The following ACTR3B variants were observed in gnomAD, a reference collection of about 807,000 sequenced individuals.
ACTR3B encodes actin related protein 3B, also known as actin-related protein 3B.
Under a neutral mutation model 59.0 loss-of-function variants are expected in ACTR3B, and 8 were observed. The ratio of observed to expected loss-of-function variants is 0.14; its 90% confidence interval spans 0.08 to 0.24. The LOEUF is 0.24. ACTR3B is among the 10% of genes least tolerant of loss of function. The pLI is 1.00. For missense variants in ACTR3B, 245 were observed against 552.3 expected (o/e 0.44, Z 5.58); for synonymous variants, 148 against 197.9 (o/e 0.75, Z 2.12).
At chr7:152,838,406 A>G (rs1028371813) in intron 9 of ACTR3B, among the ~76,000 whole-genome samples, 41 of 152,342 alleles carry the variant, frequency 2.7e-4, no homozygotes, top group African/African-American at 9.1e-4. Flanking sequence ...GAAGCTGGAA[A>G]CCATCATTCT....
At chr7:152,841,865 A>C (rs2462079) in intron 9 of ACTR3B, among the ~76,000 whole-genome samples, 68 of 152,226 alleles carry the variant, frequency 4.5e-4, no homozygotes, top group Admixed American at 1.2e-3. Flanking sequence ...ACTTGGTATT[A>C]TGTTGCTCTG....
Position 152,759,874 on chromosome 7 carries a change from G to A in ACTR3B, c.-9G>A. The A allele has an allele frequency of 1.5e-6, 2 of 1,328,642 alleles. No individual in the cohort carries two copies. The highest frequency in any genetic ancestry group is 1.9e-6 in the Non-Finnish European group (2 of 1,030,488). 82.3% of individuals were successfully genotyped at this position (1,328,642 alleles called of 1,614,324 possible). A position where few individuals can be genotyped will look rare whatever the true frequency, so the allele number is the denominator to read the frequency against. On this transcript the variant is annotated 5_prime_UTR_variant, in exon 1 of 12. Coordinates refer to ENST00000256001, the MANE Select transcript of ACTR3B (RefSeq NM_020445.6). ...CTGCCGGCGGGGCCGAGCGCCGCGCGTCCCGAGCATGGCAGGCTCCCTGCC... is the reference window on the plus strand; with the variant it reads ...CTGCCGGCGGGGCCGAGCGCCGCGCATCCCGAGCATGGCAGGCTCCCTGCC...
intron 1 of ACTR3B, among the ~76,000 whole-genome samples, chr7:152,768,775 T>G (rs148663623): frequency 0.027 from 4,114 of 151,418 alleles, 72 homozygotes; most frequent in African/African-American, 0.059. Context: ...CGCGCCTGGC[T>G]AGGAGATACA....
At chr7:152,772,090 G>A (rs1372258345) in intron 1 of ACTR3B, among the ~76,000 whole-genome samples, 24 of 150,538 alleles carry the variant, frequency 1.6e-4, no homozygotes, top group African/African-American at 5.5e-4. Context: ...ACAAACCCCT[G>A]AAAGATAAAA....
intron 1 of ACTR3B, among the ~76,000 whole-genome samples, chr7:152,773,767 TGTGGGTGCA>T (rs1442438078): frequency 6.6e-6 from 1 of 152,234 alleles, no homozygotes; most frequent in East Asian, 1.9e-4. Context: ...GCCAGTTAAC[TGTGGGTGCA>T]GAGAACCTTT....
intron 9 of ACTR3B, among the ~76,000 whole-genome samples, chr7:152,838,989 C>T (rs527528947): frequency 3.3e-5 from 5 of 151,922 alleles, no homozygotes; most frequent in South Asian, 4.2e-4. Flanking sequence ...AAAAGATGAC[C>T]GGTGAGAAAT....
intron 9 of ACTR3B, among the ~76,000 whole-genome samples, chr7:152,829,920 A>G (rs546636506): frequency 6.6e-5 from 10 of 152,304 alleles, no homozygotes; most frequent in African/African-American, 2.2e-4. Context: ...TACTAGGTAC[A>G]AGACACTGTT....
chr7:152,760,083 C>G lies in ACTR3B; in HGVS notation c.44+157C>G, dbSNP rs2098084433. 1.3e-5 allele frequency among the ~76,000 whole-genome samples: 2 copies of G among 152,174 alleles called. 1 individual carries two copies. Among genetic ancestry groups the G allele is most frequent in the South Asian group, 4.1e-4 (2 of 4,836 alleles). On this transcript the variant is annotated intron_variant, in intron 1 of 11. Transcript: ENST00000256001. ...GCGCCGGCCGCCGCTTCCCTCCAAG[C>G]CTTGCCTTGACGTCGTAAAACCCCC...
chr7:152,828,762 C>T (rs913307519), intron 9 of ACTR3B, among the ~76,000 whole-genome samples: 22 of 151,910 alleles, frequency 1.4e-4, no homozygotes, highest in African/African-American at 2.2e-4. Flanking sequence ...GTGATGGTGC[C>T]GATTCCTGAC....
At chr7:152,819,569 T>C (rs1249772972) in intron 6 of ACTR3B, among the ~76,000 whole-genome samples, 1 of 152,152 alleles carries the variant, frequency 6.6e-6, no homozygotes. Flanking sequence ...GCTGTGGGCA[T>C]GTGGACACTT....
intron 6 of ACTR3B, among the ~76,000 whole-genome samples, chr7:152,819,161 T>G (rs1191605785): frequency 6.6e-6 from 1 of 152,258 alleles, no homozygotes; most frequent in Non-Finnish European, 1.5e-5. Flanking sequence ...TAAAATACCT[T>G]ACAAATACTT....
At chr7:152,794,892 T>C (rs2098210530) in intron 2 of ACTR3B, among the ~76,000 whole-genome samples, 1 of 152,210 alleles carries the variant, frequency 6.6e-6, no homozygotes, top group Non-Finnish European at 1.5e-5. Context: ...TAATTTGATA[T>C]CTTTGAGACT....
At chr7:152,770,925 A>G (rs1379654685) in intron 1 of ACTR3B, among the ~76,000 whole-genome samples, 4 of 148,544 alleles carry the variant, frequency 2.7e-5, no homozygotes, top group Non-Finnish European at 6.0e-5. Context: ...GAAAAAGTAT[A>G]CTTTGGAAAG....
chr7:152,801,771 T>G (rs1165935333), intron 4 of ACTR3B, 40 bp downstream of exon 4: 1 of 700,930 alleles, frequency 1.4e-6, no homozygotes, highest in African/African-American at 1.8e-5. Context: ...TCCTGTAAAT[T>G]CCAAATTGCT....
chr7:152,797,376 C>T (rs2098221095), intron 2 of ACTR3B, among the ~76,000 whole-genome samples: 1 of 152,142 alleles, frequency 6.6e-6, no homozygotes, highest in Admixed American at 6.5e-5. Context: ...CCATGAGCCA[C>T]CACAGCTGGC....
intron 1 of ACTR3B, among the ~76,000 whole-genome samples, chr7:152,777,873 A>G (rs550740986): frequency 7.9e-5 from 12 of 151,842 alleles, no homozygotes; most frequent in Non-Finnish European, 1.5e-4. Context: ...TCGCTCAAAC[A>G]TGGGAGGTGG....
chr7:152,761,302 G>T (rs1489103096), intron 1 of ACTR3B, among the ~76,000 whole-genome samples: 2 of 152,060 alleles, frequency 1.3e-5, no homozygotes, highest in South Asian at 2.1e-4. Context: ...TTCACCTCAG[G>T]TCCCCTCAGG....
intron 9 of ACTR3B, among the ~76,000 whole-genome samples, chr7:152,848,613 C>T (rs377024901): frequency 2.6e-5 from 4 of 152,204 alleles, no homozygotes; most frequent in Non-Finnish European, 4.4e-5. Context: ...AGAATATCAT[C>T]GGCCAGCGTG....
intron 1 of ACTR3B, among the ~76,000 whole-genome samples, chr7:152,780,333 A>G (rs540079328): frequency 8.0e-6 from 1 of 125,090 alleles, no homozygotes; most frequent in African/African-American, 3.1e-5. Flanking sequence ...AGCCTGCTCG[A>G]AAGAGCGAAA....
Sources: gnomAD v4.1 joint callset for allele counts (sites outside exome capture counted in the v4.1 genomes callset) on GRCh38, gnomAD v4.1.1 for gene constraint, MANE v1.5 for transcripts, NCBI Gene and HGNC (gene_info 2026-07-23, HGNC 2026-07-21) for gene names.